The following HHAT variants were observed in gnomAD, a reference collection of about 807,000 sequenced individuals.
HHAT encodes protein-cysteine N-palmitoyltransferase HHAT.
Under a neutral mutation model 70.8 loss-of-function variants are expected in HHAT, and 47 were observed. That is an observed-to-expected ratio of 0.66 (90% CI 0.53 to 0.85). The LOEUF (loss-of-function observed/expected upper bound fraction) is 0.85. Ranked by LOEUF, HHAT falls within the 40% of genes least tolerant of loss-of-function variation. The pLI is 0.00. For missense variants in HHAT, 609 were observed against 604.8 expected, an observed-to-expected ratio of 1.01 and a Z score of -0.07; for synonymous variants, 228 against 247.6, an observed-to-expected ratio of 0.92 and a Z score of 0.74.
chr1:210,599,231 A>T (rs1304757042), intron 10 of HHAT, among the ~76,000 whole-genome samples: 1 of 152,204 alleles, frequency 6.6e-6, no homozygotes, highest in Non-Finnish European at 1.5e-5. Context: ...AGATCCCAGT[A>T]TCTCCCATAT....
intron 1 of HHAT, among the ~76,000 whole-genome samples, chr1:210,343,728 C>T (rs181181093): frequency 6.6e-6 from 1 of 152,168 alleles, no homozygotes; most frequent in East Asian, 1.9e-4. Flanking sequence ...GATTGGGCGT[C>T]AGAAGAGGAA....
intron 7 of HHAT, among the ~76,000 whole-genome samples, chr1:210,421,038 T>C (rs774599681): frequency 2.0e-5 from 3 of 152,166 alleles, no homozygotes; most frequent in Non-Finnish European, 2.9e-5. Context: ...TTGCTTGAAA[T>C]TCTCACCAAC....
chr1:210,451,115 T>G (rs1485487912), intron 7 of HHAT, among the ~76,000 whole-genome samples: 1 of 150,642 alleles, frequency 6.6e-6, no homozygotes, highest in Non-Finnish European at 1.5e-5. Context: ...AAAAGTTGTT[T>G]GTAGCACTAT....
intron 10 of HHAT, among the ~76,000 whole-genome samples, chr1:210,616,120 G>A (rs1343618495): frequency 6.6e-6 from 1 of 152,170 alleles, no homozygotes; most frequent in Non-Finnish European, 1.5e-5. Context: ...ATTTTGAAAT[G>A]TGTATACCTG....
Position 210,494,542 on chromosome 1 carries a change from C to CTTT in HHAT, c.1008-18586_1008-18584dup, listed in dbSNP as rs71146226. Among the ~76,000 whole-genome samples the CTTT allele has an allele frequency of 6.4e-3, 533 of 82,834 alleles. 76 individuals are homozygous for CTTT. The highest frequency in any genetic ancestry group is 0.024 in the African/African-American group (474 of 19,642). 54.3% of individuals were successfully genotyped at this position (82,834 alleles called of 152,430 possible). A position where few individuals can be genotyped will look rare whatever the true frequency, so the allele number is the denominator to read the frequency against. On this transcript the variant is annotated intron_variant, in intron 8 of 11. Transcript: ENST00000261458. ...AGATCAGGAGTTCAGTTTGAAATAGCTTTTTTTTTTTTTTTTTTTTTTTTT... is the reference window on the plus strand; with the variant it reads ...AGATCAGGAGTTCAGTTTGAAATAGCTTTTTTTTTTTTTTTTTTTTTTTTTTTT...
intron 9 of HHAT, among the ~76,000 whole-genome samples, chr1:210,543,102 C>G: frequency 6.6e-6 from 1 of 151,982 alleles, no homozygotes; most frequent in East Asian, 1.9e-4. Context: ...GTTAGTCCTG[C>G]CAAGAAAGCG....
intron 11 of HHAT, among the ~76,000 whole-genome samples, chr1:210,653,195 A>AG (rs1675554189): frequency 6.6e-6 from 1 of 152,220 alleles, no homozygotes; most frequent in South Asian, 2.1e-4. Context: ...AAAAATAGGA[A>AG]GGAACAGTGT....
At chr1:210,506,390 A>T (rs983838257) in intron 8 of HHAT, among the ~76,000 whole-genome samples, 2 of 152,210 alleles carry the variant, frequency 1.3e-5, no homozygotes, top group Non-Finnish European at 2.9e-5. Flanking sequence ...AAGGTCATCC[A>T]TTCCAGTTTT....
intron 8 of HHAT, among the ~76,000 whole-genome samples, chr1:210,485,982 A>C (rs757108992): frequency 4.6e-5 from 7 of 152,200 alleles, no homozygotes; most frequent in Non-Finnish European, 7.3e-5. Flanking sequence ...TAAGAGAAGG[A>C]ATAAGATTAG....
intron 3 of HHAT, among the ~76,000 whole-genome samples, chr1:210,383,805 C>CT (rs1352135483): frequency 6.6e-6 from 1 of 152,176 alleles, no homozygotes; most frequent in African/African-American, 2.4e-5. Flanking sequence ...AATTGAGCTA[C>CT]TTTAAAGATT....
chr1:210,367,028 CCAGA>C (rs1226362712), intron 3 of HHAT, among the ~76,000 whole-genome samples: 1 of 152,160 alleles, frequency 6.6e-6, no homozygotes, highest in African/African-American at 2.4e-5. Context: ...CAGTGGTGAG[CCAGA>C]CAGACAACAT....
At chr1:210,481,931 C>T (rs2094403423) in intron 8 of HHAT, among the ~76,000 whole-genome samples, 1 of 152,142 alleles carries the variant, frequency 6.6e-6, no homozygotes, top group East Asian at 1.9e-4. Flanking sequence ...GAAGTGTGCC[C>T]AAAGTGCTCA....
chr1:210,599,584 C>G (rs1363600356), intron 10 of HHAT, among the ~76,000 whole-genome samples: 1 of 152,174 alleles, frequency 6.6e-6, no homozygotes, highest in Non-Finnish European at 1.5e-5. Flanking sequence ...TCAGATTGAT[C>G]TGCATATACT....
intron 10 of HHAT, among the ~76,000 whole-genome samples, chr1:210,613,437 A>T (rs1292799484): frequency 2.6e-5 from 4 of 152,132 alleles, no homozygotes; most frequent in African/African-American, 9.7e-5. Context: ...AACCGTATAT[A>T]AGGGTTTATT....
Position 210,608,977 on chromosome 1 carries a change from G to T in HHAT, c.1246-14549G>T, listed in dbSNP as rs138487124. On this transcript the variant is annotated intron_variant, in intron 10 of 11. Transcript: ENST00000261458. ...CTAAAAGAGGAAGTGCCAAGCGAAGGGGGAAGAGCCCCTTATAAAACCGTC... is the reference window on the plus strand; with the variant it reads ...CTAAAAGAGGAAGTGCCAAGCGAAGTGGGAAGAGCCCCTTATAAAACCGTC... 1.6e-4 allele frequency among the ~76,000 whole-genome samples: 24 copies of T among 152,224 alleles called. No homozygotes were observed. In the East Asian group the frequency reaches 4.6e-3, roughly 29 times the overall value.
intron 10 of HHAT, among the ~76,000 whole-genome samples, chr1:210,622,501 C>T (rs185136995): frequency 2.2e-3 from 334 of 152,244 alleles, no homozygotes; most frequent in Non-Finnish European, 3.5e-3. Flanking sequence ...AGGATAAAGG[C>T]TTTGTTTGCT....
At chr1:210,461,568 C>G (rs956983428) in intron 7 of HHAT, among the ~76,000 whole-genome samples, 1 of 152,034 alleles carries the variant, frequency 6.6e-6, no homozygotes, top group African/African-American at 2.4e-5. Flanking sequence ...TCCCAAAGTG[C>G]TGGGACTACA....
chr1:210,501,310 C>T (rs548606712), intron 8 of HHAT, among the ~76,000 whole-genome samples: 22 of 152,344 alleles, frequency 1.4e-4, no homozygotes, highest in Non-Finnish European at 3.1e-4. Context: ...TTGAAATCTC[C>T]TGGCACATCT....
chr1:210,530,653 T>G lies in HHAT; in HGVS notation c.1043+17465T>G, dbSNP rs146776710. On this transcript the variant is annotated intron_variant, in intron 9 of 11. Coordinates refer to ENST00000261458, the MANE Select transcript of HHAT (RefSeq NM_018194.6). ...AGCATTTGCAGACTTTGCACGGACTTGAGTGATGTCTGAGATAGATGGCTC... is the reference window on the plus strand; with the variant it reads ...AGCATTTGCAGACTTTGCACGGACTGGAGTGATGTCTGAGATAGATGGCTC... Among the ~76,000 whole-genome samples the G allele has an allele frequency of 2.6e-4, 40 of 152,244 alleles. No homozygotes were observed. In the East Asian group the frequency reaches 7.3e-3, roughly 28 times the overall value.
Sources: gnomAD v4.1 joint callset for allele counts (sites outside exome capture counted in the v4.1 genomes callset) on GRCh38, gnomAD v4.1.1 for gene constraint, MANE v1.5 for transcripts, NCBI Gene and HGNC (gene_info 2026-07-23, HGNC 2026-07-21) for gene names.